Variants in CFAP57 observed in about 807,000 individuals in gnomAD.
The protein encoded by CFAP57 is cilia and flagella associated protein 57, also known as cilia- and flagella-associated protein 57.
A neutral mutation model predicts 146.8 loss-of-function variants in CFAP57; 116 were observed. That is an observed-to-expected ratio of 0.79 (90% CI 0.68 to 0.92). The LOEUF (loss-of-function observed/expected upper bound fraction) is 0.92, where lower values mean the gene tolerates loss of function less well. Among genes scored for constraint, CFAP57 ranks in the 40% least tolerant of loss-of-function variants. CFAP57 has a pLI of 0.00. For missense variants in CFAP57, 1,377 were observed against 1,527.2 expected (o/e 0.90, Z 1.64); for synonymous variants, 518 against 552.8 (o/e 0.94, Z 0.88).
chr1:43,243,216 C>T lies in CFAP57; in HGVS notation c.3406-11C>T, dbSNP rs969049706. ...CATCCACCCTCCCTCTCTCTTCCCC[C>T]TTTTCTGCAGGAAAATGTCTCTCTG... On this transcript the variant is annotated splice_polypyrimidine_tract_variant and intron_variant, in intron 21 of 22. Coordinates refer to ENST00000372492, the MANE Select transcript of CFAP57 (RefSeq NM_001378189.1). The T allele has an allele frequency of 1.0e-5, 16 of 1,549,302 alleles. No homozygotes were observed. The South Asian group carries it at 1.4e-4, about 14-fold the overall frequency.
chr1:43,214,256 G>C (rs1644749207), intron 11 of CFAP57, among the ~76,000 whole-genome samples: 1 of 152,048 alleles, frequency 6.6e-6, no homozygotes, highest in South Asian at 2.1e-4. Context: ...GAGTTCTTTG[G>C]TATTCTGGAT....
intron 11 of CFAP57, among the ~76,000 whole-genome samples, chr1:43,214,052 A>G (rs1644738799): frequency 6.6e-6 from 1 of 151,270 alleles, no homozygotes; most frequent in South Asian, 2.1e-4. Context: ...CGCCCAGCTA[A>G]TTTTTGTATT....
At chr1:43,222,725 T>TG in intron 15 of CFAP57, 99 bp from the exon 16 acceptor site, 1 of 1,370,582 alleles carries the variant, frequency 7.3e-7, no homozygotes, top group Non-Finnish European at 9.7e-7. Flanking sequence ...TTTGACTCCC[T>TG]GGGACAGGTC....
Position 43,181,800 on chromosome 1 carries a change from A to T in CFAP57, c.424A>T (p.Lys142Ter). 2 of 1,614,230 alleles carry T rather than the reference A, an allele frequency of 1.2e-6. No homozygotes were observed. Among genetic ancestry groups the T allele is most frequent in the South Asian group, 2.2e-5 (2 of 91,080 alleles). Residue 142 changes from lysine (K) to a stop codon, truncating the protein, a stop_gained, in exon 3 of 23, where the codon AAA becomes TAA. Coordinates refer to ENST00000372492, the MANE Select transcript of CFAP57 (RefSeq NM_001378189.1). LOFTEE classifies it high-confidence loss of function. ...NLVYWLWEKQ[K>*]VMAIVRIDTQ... ...TGTCTACTGGCTGTGGGAAAAACAGAAAGTAATGGCCATTGTTAGAATCGA... is the reference window on the plus strand; with the variant it reads ...TGTCTACTGGCTGTGGGAAAAACAGTAAGTAATGGCCATTGTTAGAATCGA...
At chr1:43,240,395 T>A (rs181357167) in intron 21 of CFAP57, among the ~76,000 whole-genome samples, 1 of 152,296 alleles carries the variant, frequency 6.6e-6, no homozygotes, top group African/African-American at 2.4e-5. Context: ...ATGTTTGGAT[T>A]CTCAGGGACA....
At position 43,181,581 on chromosome 1, in the gene CFAP57, C is replaced by A; in HGVS notation, c.205C>A (p.Arg69=). 6.2e-7 allele frequency: 1 copy of A among 1,614,182 alleles called. No homozygotes were observed. Among genetic ancestry groups the A allele is most frequent in the Non-Finnish European group, 8.5e-7 (1 of 1,180,034 alleles). Residue 69 remains arginine (R), a synonymous_variant, in exon 3 of 23, where the codon CGG becomes AGG. Coordinates refer to ENST00000372492, the MANE Select transcript of CFAP57 (RefSeq NM_001378189.1). ...GTTGGCCTTGTCCATCAGTCCCAAT[C>A]GGCGGTACCTCGCTATCTCTGAGAC... ...GMLALSISPN[R]RYLAISETVQ... is the part of the protein sequence containing the mutation.
intron 19 of CFAP57, among the ~76,000 whole-genome samples, chr1:43,234,075 C>T (rs1342873382): frequency 6.6e-6 from 1 of 152,096 alleles, no homozygotes; most frequent in East Asian, 1.9e-4. Flanking sequence ...CAGCCGAGGG[C>T]AGGTGCACAA....
chr1:43,250,417 C>T (rs1299029235), intron 22 of CFAP57: 1 of 152,200 alleles, frequency 6.6e-6, no homozygotes, highest in Admixed American at 6.5e-5. Flanking sequence ...CGAAGGAAAA[C>T]ATCACATATT....
intron 18 of CFAP57, among the ~76,000 whole-genome samples, chr1:43,227,728 C>T (rs1037113170): frequency 6.6e-6 from 1 of 152,080 alleles, no homozygotes; most frequent in African/African-American, 2.4e-5. Flanking sequence ...CACACGCCAC[C>T]TTTCCCTGCA....
chr1:43,177,036 G>T (rs1645200265), intron 2 of CFAP57: 1 of 431,410 alleles, frequency 2.3e-6, no homozygotes, highest in Admixed American at 2.5e-5. Flanking sequence ...AGAGGGGCTT[G>T]CAGTTCATGA....
rs556859396 is a variant in CFAP57 at position 43,181,630 on chromosome 1, C to T, written c.254C>T (p.Thr85Ile). ...SETVQEKPAITIYELSSIPCR... is the reference protein window; with the variant it reads ...SETVQEKPAIIIYELSSIPCR... Reference sequence around the variant, plus strand: ...ACTGTGCAAGAAAAACCTGCCATCACCATTTATGAATTGTCATCCATCCCT... The same window carrying T: ...ACTGTGCAAGAAAAACCTGCCATCATCATTTATGAATTGTCATCCATCCCT... Residue 85 changes from threonine to isoleucine, a missense_variant, in exon 3 of 23, where the codon ACC becomes ATC. Physicochemically the swap from Thr to Ile is moderately conservative, Grantham distance 89. Coordinates refer to ENST00000372492, the MANE Select transcript of CFAP57 (RefSeq NM_001378189.1). The T allele has an allele frequency of 6.2e-7, 1 of 1,614,212 alleles. No homozygotes were observed. The highest frequency in any genetic ancestry group is 8.5e-7 in the Non-Finnish European group (1 of 1,180,046).
intron 9 of CFAP57, among the ~76,000 whole-genome samples, chr1:43,205,258 C>T (rs1557769003): frequency 6.6e-6 from 1 of 152,214 alleles, no homozygotes; most frequent in Admixed American, 6.5e-5. Flanking sequence ...CCACCAAGAT[C>T]TCCACTGTTT....
rs1158631758 is a variant in CFAP57, at chr1:43,201,315, CAAAG to C, written c.1542+1815_1542+1818del. 6.6e-6 allele frequency among the ~76,000 whole-genome samples: 1 copy of C among 152,102 alleles called. No homozygotes were observed. Among genetic ancestry groups the C allele is most frequent in the Non-Finnish European group, 1.5e-5 (1 of 68,020 alleles). ...AGAACTTGGAATCAGATAATTATCT[CAAAG>C]AAGCCAAGGAACTAAACAATTTCTG... On this transcript the variant is annotated intron_variant, in intron 9 of 22. Coordinates refer to ENST00000372492, the MANE Select transcript of CFAP57 (RefSeq NM_001378189.1). This position sits in a 1 kb window ranked among gnomAD's most constrained non-coding sequence, Gnocchi z 4.4.
chr1:43,179,228 A>G (rs1413238256), intron 2 of CFAP57, among the ~76,000 whole-genome samples: 1 of 152,208 alleles, frequency 6.6e-6, no homozygotes, highest in Non-Finnish European at 1.5e-5. Context: ...GCACATGTAT[A>G]CATATGTAAC....
intron 12 of CFAP57, among the ~76,000 whole-genome samples, chr1:43,218,790 T>C (rs1292702459): frequency 6.6e-6 from 1 of 152,144 alleles, no homozygotes; most frequent in Non-Finnish European, 1.5e-5. Flanking sequence ...ATAATGTGTT[T>C]GTCTGGCTGC....
intron 12 of CFAP57, 32 bp from the exon 13 acceptor site, chr1:43,219,350 G>A (rs1196189597): frequency 6.5e-6 from 10 of 1,537,202 alleles, no homozygotes; most frequent in Non-Finnish European, 7.9e-6. Context: ...CTTACTGTCA[G>A]TGTTCTTGAT....
intron 18 of CFAP57, among the ~76,000 whole-genome samples, chr1:43,231,627 G>A (rs1008906599): frequency 3.3e-5 from 5 of 151,378 alleles, no homozygotes; most frequent in Admixed American, 6.6e-5. Flanking sequence ...GGCGAGGTGG[G>A]CAGATCACTT....
Position 43,223,510 on chromosome 1 carries a change from C to G in CFAP57, c.2706+513C>G, listed in dbSNP as rs182479594. Among the ~76,000 whole-genome samples the G allele has an allele frequency of 4.8e-4, 73 of 152,238 alleles. No individual in the cohort carries two copies. The East Asian group carries it at 0.012, about 26-fold the overall frequency. The stretch of plus-strand genomic sequence containing the variant: ...AAGATGTTTTTAGTTCACTCACCAT[C>G]AGGGGTGAGGGAGGATTCAACTCAG... On this transcript the variant is annotated intron_variant, in intron 16 of 22. Transcript: ENST00000372492.
At chr1:43,202,981 G>A (rs1036205744) in intron 9 of CFAP57, among the ~76,000 whole-genome samples, 1 of 152,000 alleles carries the variant, frequency 6.6e-6, no homozygotes, top group African/African-American at 2.4e-5. Context: ...AGATCATCCT[G>A]GATAACACGG....
Sources: gnomAD v4.1 joint callset for allele counts (sites outside exome capture counted in the v4.1 genomes callset) on GRCh38, gnomAD v4.1.1 for gene constraint, Gnocchi (gnomAD v3.1) non-coding constraint, MANE v1.5 for transcripts, NCBI Gene and HGNC (gene_info 2026-07-23, HGNC 2026-07-21) for gene names.